Variants in STPG2 observed in about 807,000 individuals in gnomAD.
The protein encoded by STPG2 is sperm tail PG-rich repeat containing 2, also known as sperm-tail PG-rich repeat-containing protein 2.
Under a neutral mutation model 54.2 loss-of-function variants are expected in STPG2, and 56 were observed. The ratio of observed to expected loss-of-function variants is 1.03; its 90% CI spans 0.83 to 1.29. The LOEUF is 1.29. STPG2 is among the 50% of genes most tolerant of loss of function. STPG2 has a pLI of 0.00. For missense variants in STPG2, 596 were observed against 544.9 expected, an observed-to-expected ratio of 1.09 and a Z score of -0.93; for synonymous variants, 200 against 181.8, an observed-to-expected ratio of 1.10 and a Z score of -0.81.
In STPG2 at chr4:98,020,695, A is replaced by C. The variant is rs191728703; in HGVS notation, c.613-39377T>G. Among the ~76,000 whole-genome samples the C allele has an allele frequency of 1.5e-3, 234 of 152,192 alleles. 2 individuals carry two copies. Among genetic ancestry groups the C allele is most frequent in the African/African-American group, 5.4e-3 (226 of 41,540 alleles). Reference sequence around the variant, plus strand: ...CTACTGATTATTCCCACAATTTCAGATCCTGTTATTGGTCTATTCAGAGAT... The same window carrying C: ...CTACTGATTATTCCCACAATTTCAGCTCCTGTTATTGGTCTATTCAGAGAT... On this transcript the variant is annotated intron_variant, in intron 5 of 10. Coordinates refer to ENST00000295268, the MANE Select transcript of STPG2 (RefSeq NM_174952.3).
chr4:97,879,381 T>C (rs768959027), intron 8 of STPG2, among the ~76,000 whole-genome samples: 17 of 152,256 alleles, frequency 1.1e-4, no homozygotes, highest in Admixed American at 5.9e-4. Flanking sequence ...GGGTAATTTA[T>C]AAAGAAAAAG....
chr4:97,541,928 C>A (rs938234944), intron 4 of STPG2, among the ~76,000 whole-genome samples: 2 of 152,138 alleles, frequency 1.3e-5, no homozygotes, highest in Non-Finnish European at 2.9e-5. Context: ...ATGTAGAAAG[C>A]TGAAACTGGA....
At chr4:97,563,184 T>C (rs1297762197) in intron 10 of STPG2, among the ~76,000 whole-genome samples, 2 of 152,212 alleles carry the variant, frequency 1.3e-5, no homozygotes, top group South Asian at 2.1e-4. Flanking sequence ...GGTGTATGTG[T>C]CAAGGAATTT....
At chr4:97,668,461 A>G (rs1722590720) in intron 10 of STPG2, among the ~76,000 whole-genome samples, 1 of 152,196 alleles carries the variant, frequency 6.6e-6, no homozygotes, top group Admixed American at 6.5e-5. Flanking sequence ...TGTGACTGTC[A>G]GATGGAGAAA....
intron 9 of STPG2, among the ~76,000 whole-genome samples, chr4:97,766,929 A>C (rs1349595131): frequency 6.6e-6 from 1 of 152,076 alleles, no homozygotes; most frequent in Non-Finnish European, 1.5e-5. Flanking sequence ...TACAACCACT[A>C]AATAAGTAAA....
chr4:97,966,092 G>A (rs1167171051), intron 7 of STPG2, among the ~76,000 whole-genome samples: 3 of 152,290 alleles, frequency 2.0e-5, no homozygotes, highest in East Asian at 1.9e-4. Flanking sequence ...AGCTAAAGGA[G>A]CATGTTTGAG....
intron 9 of STPG2, among the ~76,000 whole-genome samples, chr4:97,838,115 T>C (rs1452174995): frequency 1.3e-5 from 2 of 151,624 alleles, no homozygotes; most frequent in Non-Finnish European, 3.0e-5. Context: ...CATATATACA[T>C]ATAACAATAC....
chr4:98,080,066 A>T (rs1293284455), intron 5 of STPG2, among the ~76,000 whole-genome samples: 1 of 152,150 alleles, frequency 6.6e-6, no homozygotes, highest in African/African-American at 2.4e-5. Context: ...AGAAAATCTA[A>T]TGTTAAAATA....
At chr4:97,616,050 ACATATAAATATATATAT>A (rs1733856406) in intron 10 of STPG2, among the ~76,000 whole-genome samples, 7 of 80,646 alleles carry the variant, frequency 8.7e-5, no homozygotes, top group African/African-American at 3.6e-4. Context: ...AAAAAAAAAT[ACATATAAATATATATAT>A]ATATATATAT....
intron 10 of STPG2, among the ~76,000 whole-genome samples, chr4:97,609,294 G>C (rs1733675874): frequency 6.6e-6 from 1 of 151,994 alleles, no homozygotes; most frequent in African/African-American, 2.4e-5. Flanking sequence ...AGTGGAAGTA[G>C]ATAGTATTCC....
chr4:97,663,851 T>A (rs1189168850), intron 10 of STPG2, among the ~76,000 whole-genome samples: 1 of 152,182 alleles, frequency 6.6e-6, no homozygotes, highest in East Asian at 1.9e-4. Context: ...GAATTTGTAA[T>A]CTTAAAATTT....
intron 4 of STPG2, among the ~76,000 whole-genome samples, chr4:97,533,118 T>A (rs186178454): frequency 0.011 from 1,737 of 152,160 alleles, 17 homozygotes; most frequent in Non-Finnish European, 0.017. Context: ...TCTGACCTCA[T>A]GATCCCCCCG....
At chr4:97,896,055 C>T (rs577520792) in intron 8 of STPG2, among the ~76,000 whole-genome samples, 22 of 151,856 alleles carry the variant, frequency 1.4e-4, no homozygotes, top group African/African-American at 5.3e-4. Flanking sequence ...CAATTTCCTT[C>T]CAAGTGTCAT....
At chr4:97,877,755 G>A (rs185946734) in intron 8 of STPG2, among the ~76,000 whole-genome samples, 69 of 151,966 alleles carry the variant, frequency 4.5e-4, no homozygotes, top group Middle Eastern at 6.8e-3. Context: ...TCCACCCCTG[G>A]CCCCTCCCAA....
At chr4:97,538,190 C>T (rs181280312) in intron 4 of STPG2, among the ~76,000 whole-genome samples, 75 of 152,274 alleles carry the variant, frequency 4.9e-4, no homozygotes, top group South Asian at 6.2e-4. Context: ...CAAAGCTGGA[C>T]GGAGAATGAC....
chr4:97,479,406 C>A (rs1311848163), intron 4 of STPG2, among the ~76,000 whole-genome samples: 1 of 151,928 alleles, frequency 6.6e-6, no homozygotes, highest in Non-Finnish European at 1.5e-5. Context: ...GTATAAAGTA[C>A]AAACTCTTCT....
In STPG2 at chr4:97,512,309, A is replaced by C. The variant is rs77385903; in HGVS notation, c.462+200390T>G. 2.9e-3 allele frequency among the ~76,000 whole-genome samples: 440 copies of C among 152,266 alleles called. 4 individuals carry two copies. Among genetic ancestry groups the C allele is most frequent in the African/African-American group, 9.8e-3 (407 of 41,578 alleles). On this transcript the variant is annotated intron_variant, in intron 4 of 4. Coordinates refer to the STPG2 transcript ENST00000522676. ...CCAGGACTACATGATTGGCATCAAT[A>C]ACTAAGATAGGAAAGGTAGGCAATG...
intron 8 of STPG2, among the ~76,000 whole-genome samples, chr4:97,930,106 C>T (rs1732485710): frequency 6.6e-6 from 1 of 152,066 alleles, no homozygotes; most frequent in Non-Finnish European, 1.5e-5. Context: ...ACCATGTTGG[C>T]CAGGATGGTC....
intron 8 of STPG2, among the ~76,000 whole-genome samples, chr4:97,908,306 C>A (rs1408489065): frequency 6.6e-6 from 1 of 151,888 alleles, no homozygotes; most frequent in Non-Finnish European, 1.5e-5. Context: ...AAATCAAAAC[C>A]ACAATGAGAT....
Sources: allele counts gnomAD v4.1 joint callset (sites outside exome capture counted in the v4.1 genomes callset), GRCh38; gene constraint gnomAD v4.1.1; transcripts MANE v1.5; gene names NCBI Gene and HGNC (gene_info 2026-07-23, HGNC 2026-07-21).